The following SGK1 variants were observed in gnomAD, a reference collection of about 807,000 sequenced individuals.
SGK1 encodes serum/glucocorticoid regulated kinase 1.
A neutral mutation model predicts 64.2 loss-of-function variants in SGK1; 26 were observed. That is an observed-to-expected ratio of 0.40 (90% confidence interval 0.30 to 0.56). The LOEUF (loss-of-function observed/expected upper bound fraction) is 0.56. Ranked by LOEUF, SGK1 falls within the 20% of genes least tolerant of loss-of-function variation. The pLI is 0.38. For missense variants in SGK1, 519 were observed against 645.6 expected (o/e 0.80, Z 2.12); for synonymous variants, 265 against 239.7 (o/e 1.11, Z -0.98).
At chr6:134,206,228 T>A (rs775591853) in intron 3 of SGK1, among the ~76,000 whole-genome samples, 17 of 151,266 alleles carry the variant, frequency 1.1e-4, no homozygotes, top group Non-Finnish European at 2.2e-4. Flanking sequence ...TGGACTCATG[T>A]GTTTGCCCAC....
intron 1 of SGK1, among the ~76,000 whole-genome samples, chr6:134,266,670 T>G (rs1437651430): frequency 6.6e-6 from 1 of 152,186 alleles, no homozygotes; most frequent in Admixed American, 6.5e-5. Context: ...AATTTTGGGT[T>G]TCCTTAAATA....
intron 3 of SGK1, among the ~76,000 whole-genome samples, chr6:134,178,358 T>C (rs1775280384): frequency 6.6e-6 from 1 of 152,024 alleles, no homozygotes. Context: ...CCCTGTTCTG[T>C]CCCAGCAACC....
At chr6:134,296,621 G>A (rs1777351201) in intron 1 of SGK1, among the ~76,000 whole-genome samples, 1 of 151,640 alleles carries the variant, frequency 6.6e-6, no homozygotes. Context: ...ACCATGCCTG[G>A]CCCATTTTGT....
At chr6:134,171,345 C>T in intron 11 of SGK1, 167 bp from the exon 12 acceptor site, 1 of 690,956 alleles carries the variant, frequency 1.4e-6, no homozygotes, top group Non-Finnish European at 2.4e-6. Context: ...TACTTTGCAA[C>T]CCGTGTGTGT....
At position 134,171,724 on chromosome 6, in the gene SGK1, T is replaced by C. The variant is rs149193507; in HGVS notation, c.1080A>G (p.Ala360=). ...AAGGCTGCTTATGAAGCACCTCAGG[T>C]GCGAGATACTGAAAAACAGACCAGG... ...STFCGTPEYL[A]PEVLHKQPYD... Residue 360 remains alanine, a synonymous_variant, in exon 11 of 14, where the codon GCA becomes GCG. Coordinates refer to ENST00000367858, the MANE Select transcript of SGK1 (RefSeq NM_001143676.3). 6.4e-4 allele frequency: 1,026 copies of C among 1,610,696 alleles called. 10 individuals carry two copies. The African/African-American group carries it at 0.012, about 19-fold the overall frequency.
intron 1 of SGK1, among the ~76,000 whole-genome samples, chr6:134,311,755 G>A (rs1023211283): frequency 2.6e-5 from 4 of 152,170 alleles, no homozygotes; most frequent in Non-Finnish European, 4.4e-5. Flanking sequence ...TGTGTTGTGG[G>A]CGCAGGCTCA....
chr6:134,221,901 G>A (rs748637513), intron 2 of SGK1, among the ~76,000 whole-genome samples: 1 of 152,022 alleles, frequency 6.6e-6, no homozygotes, highest in African/African-American at 2.4e-5. Context: ...GATCCACCCA[G>A]CTTGGCCTCC....
chr6:134,312,939 A>C (rs113049447), intron 1 of SGK1, among the ~76,000 whole-genome samples: 105 of 152,030 alleles, frequency 6.9e-4, no homozygotes, highest in African/African-American at 2.5e-3. Context: ...CACCTGGTTC[A>C]TTTTTGTATT....
At chr6:134,287,700 G>A (rs1486433356) in intron 1 of SGK1, among the ~76,000 whole-genome samples, 1 of 151,962 alleles carries the variant, frequency 6.6e-6, no homozygotes, top group Admixed American at 6.6e-5. Flanking sequence ...ATGTGATAAT[G>A]ACTTAATAAA....
At chr6:134,242,156 C>A (rs888726616) in intron 2 of SGK1, among the ~76,000 whole-genome samples, 2 of 151,994 alleles carry the variant, frequency 1.3e-5, no homozygotes, top group East Asian at 3.9e-4. Flanking sequence ...GCTCATGAAC[C>A]GCAGAGGGAA....
chr6:134,195,947 A>G (rs1775588332), intron 3 of SGK1, among the ~76,000 whole-genome samples: 1 of 152,220 alleles, frequency 6.6e-6, no homozygotes, highest in African/African-American at 2.4e-5. Context: ...AGTAAATCCC[A>G]TGAAAGTGTA....
chr6:134,314,420 C>G (rs1777648538), intron 1 of SGK1, among the ~76,000 whole-genome samples: 1 of 152,126 alleles, frequency 6.6e-6, no homozygotes, highest in Non-Finnish European at 1.5e-5. Context: ...GGTCTGAAAT[C>G]AAAAAGTCTG....
In SGK1 at chr6:134,291,890, G is replaced by A. The variant is rs533024282; in HGVS notation, c.69+25502C>T. On this transcript the variant is annotated intron_variant, in intron 1 of 13. Transcript: ENST00000367858. Reference sequence around the variant, plus strand: ...AGCCTGACCAACATGGTGAAACTCCGTCTCTACTAAAAATACACATACAAA... The same window carrying A: ...AGCCTGACCAACATGGTGAAACTCCATCTCTACTAAAAATACACATACAAA... Among the ~76,000 whole-genome samples, 11 of 152,052 alleles carry A rather than the reference G, an allele frequency of 7.2e-5. No homozygotes were observed. The South Asian group carries it at 1.9e-3, about 26-fold the overall frequency.
intron 3 of SGK1, among the ~76,000 whole-genome samples, chr6:134,188,908 CTTTTTTTTT>C (rs34316759): frequency 9.1e-5 from 10 of 110,220 alleles, no homozygotes; most frequent in Admixed American, 3.9e-4. Context: ...ATTTCTTTTT[CTTTTTTTTT>C]TTTTTTTTTT....
In SGK1 at chr6:134,173,255, C is replaced by T. The variant is rs1245609023; in HGVS notation, c.702+19G>A. 6.2e-7 allele frequency: 1 copy of T among 1,610,196 alleles called. No homozygotes were observed. Among genetic ancestry groups the T allele is most frequent in the Non-Finnish European group, 8.5e-7 (1 of 1,176,462 alleles). ...GAGTGTCTACCGCCAATGCCAGCCC[C>T]ATCAAGCACATCTCATACCTCTTTC... is the stretch of plus-strand genomic sequence containing the variant. On this transcript the variant is annotated intron_variant, in intron 7 of 13. Coordinates refer to ENST00000367858, the MANE Select transcript of SGK1 (RefSeq NM_001143676.3).
Position 134,170,296 on chromosome 6 carries a change from T to C in SGK1, c.1553A>G (p.Tyr518Cys). Residue 518 changes from tyrosine (Y) to cysteine (C), a missense_variant, in exon 14 of 14, where the codon TAT becomes TGT. By Grantham distance (194) the Tyr-to-Cys change is radical. Transcript: ENST00000367858. ...EAAEAFLGFS[Y>C]APPTDSFL Reference sequence around the variant, plus strand: ...GAGGAAAGAGTCCGTGGGAGGCGCATAGGAAAAGCCTAGGAAAGCCTCGGC... The same window carrying C: ...GAGGAAAGAGTCCGTGGGAGGCGCACAGGAAAAGCCTAGGAAAGCCTCGGC... 6.2e-7 allele frequency: 1 copy of C among 1,613,694 alleles called. No homozygotes were observed. Among genetic ancestry groups the C allele is most frequent in the Non-Finnish European group, 8.5e-7 (1 of 1,179,748 alleles).
chr6:134,206,383 A>ATAT (rs1562250478), intron 3 of SGK1, among the ~76,000 whole-genome samples: 2 of 16,610 alleles, frequency 1.2e-4, no homozygotes, highest in Non-Finnish European at 2.3e-4. Flanking sequence ...ATATATATAT[A>ATAT]TTTTTTTTTT....
At chr6:134,229,001 G>A (rs148141335) in intron 2 of SGK1, among the ~76,000 whole-genome samples, 3,894 of 152,288 alleles carry the variant, frequency 0.026, 173 homozygotes, top group African/African-American at 0.085. Context: ...CCGCCACTGC[G>A]CCCAGCTAAT....
chr6:134,270,670 G>T (rs865958865), intron 1 of SGK1, among the ~76,000 whole-genome samples: 3 of 148,178 alleles, frequency 2.0e-5, no homozygotes, highest in South Asian at 2.2e-4. Flanking sequence ...TCCTCTTCTA[G>T]ATTCTCAGGG....
Sources: gnomAD v4.1 joint callset for allele counts (sites outside exome capture counted in the v4.1 genomes callset) on GRCh38, gnomAD v4.1.1 for gene constraint, MANE v1.5 for transcripts, NCBI Gene and HGNC (gene_info 2026-07-23, HGNC 2026-07-21) for gene names.